RBM25: variants seen among roughly 807,000 people sequenced by gnomAD.
The protein encoded by RBM25 is RNA-binding protein 25.
In RBM25, 19 loss-of-function variants were observed where a neutral mutation model predicts 120.7. That is an observed-to-expected ratio of 0.16 (90% CI 0.11 to 0.23). RBM25 has a LOEUF of 0.23. RBM25 is among the 10% of genes least tolerant of loss of function. The pLI, the probability that RBM25 is intolerant of heterozygous loss-of-function variation, is 1.00. For synonymous variants in RBM25, 390 were observed against 326.7 expected (o/e 1.19, Z -2.09); for missense variants, 605 against 1,041.5 (o/e 0.58, Z 5.77).
At chr14:73,099,281 G>A in intron 7 of RBM25, 99 bp from the exon 8 acceptor site, 2 of 1,050,780 alleles carry the variant, frequency 1.9e-6, no homozygotes, top group Non-Finnish European at 2.8e-6. Context: ...GAAGTGTACT[G>A]TATTGTTCAC....
chr14:73,110,540 T>G (rs148915029), intron 14 of RBM25, among the ~76,000 whole-genome samples: 4 of 152,112 alleles, frequency 2.6e-5, no homozygotes, highest in African/African-American at 9.6e-5. Flanking sequence ...GCGATTCTCC[T>G]GCCTCAGCCT....
chr14:73,121,920 A>G lies in RBM25; in HGVS notation c.*2115A>G, dbSNP rs1424649040. 1.3e-5 allele frequency: 2 copies of G among 151,582 alleles called. No homozygotes were observed. The highest frequency in any genetic ancestry group is 3.0e-5 in the Non-Finnish European group (2 of 67,586). The allele number at this position is 151,582 out of a possible 1,614,324, so 9.4% of individuals were successfully genotyped here. A position where few individuals can be genotyped will look rare whatever the true frequency, so the allele number is the denominator to read the frequency against. ...TATATGAATTTGTGCAAGTTCATAT[A>G]TTAAAGTTTCTGCAGCAGAGTGAAA... On this transcript the variant is annotated 3_prime_UTR_variant, in exon 19 of 19. Coordinates refer to ENST00000261973, the MANE Select transcript of RBM25 (RefSeq NM_021239.3).
chr14:73,115,189 T>TGTGTGTGTG (rs1555347335), intron 18 of RBM25, among the ~76,000 whole-genome samples: 5 of 147,618 alleles, frequency 3.4e-5, no homozygotes, highest in East Asian at 1.9e-4. Flanking sequence ...TGTGTGTGTG[T>TGTGTGTGTG]TTTAAGTCGG....
intron 1 of RBM25, among the ~76,000 whole-genome samples, chr14:73,071,231 ACT>A (rs1895282043): frequency 8.1e-6 from 1 of 123,698 alleles, no homozygotes; most frequent in African/African-American, 3.1e-5. Context: ...ACAGAGTGAG[ACT>A]CTGTCTCAAA....
intron 1 of RBM25, among the ~76,000 whole-genome samples, 194 bp from the exon 2 acceptor site, chr14:73,071,433 T>C (rs1895290197): frequency 6.6e-6 from 1 of 152,134 alleles, no homozygotes; most frequent in African/African-American, 2.4e-5. Context: ...TTCGATCATG[T>C]ACATTTTGGA....
intron 13 of RBM25, among the ~76,000 whole-genome samples, 156 bp downstream of exon 13, chr14:73,108,055 C>T (rs918211636): frequency 1.3e-5 from 2 of 152,230 alleles, no homozygotes; most frequent in Admixed American, 6.6e-5. Context: ...ACACTGTTTT[C>T]GTTGGGAGAA....
intron 6 of RBM25, among the ~76,000 whole-genome samples, chr14:73,094,215 A>G (rs1231213034): frequency 1.3e-5 from 2 of 149,020 alleles, no homozygotes; most frequent in Non-Finnish European, 3.0e-5. Context: ...GGCCTCCCAA[A>G]GTGCTGGGAT....
At chr14:73,106,938 T>TA (rs1368092230) in intron 12 of RBM25, among the ~76,000 whole-genome samples, 1 of 151,580 alleles carries the variant, frequency 6.6e-6, no homozygotes, top group African/African-American at 2.4e-5. Flanking sequence ...GTTCAAGCGA[T>TA]AAGCGATTCT....
At chr14:73,105,043 A>ACACACACACACACACACG (rs1896151680) in intron 10 of RBM25, among the ~76,000 whole-genome samples, 1 of 115,688 alleles carries the variant, frequency 8.6e-6, no homozygotes, top group Non-Finnish European at 1.9e-5. Flanking sequence ...TTAAATACAC[A>ACACACACACACACACACG]CACACACACA....
chr14:73,107,976 C>A, intron 13 of RBM25, 77 bp downstream of exon 13: 1 of 933,298 alleles, frequency 1.1e-6, no homozygotes. Context: ...GTTGATAATG[C>A]ATGTTCACTA....
chr14:73,092,922 C>A (rs573842270), intron 6 of RBM25, among the ~76,000 whole-genome samples: 25 of 152,268 alleles, frequency 1.6e-4, no homozygotes, highest in African/African-American at 6.0e-4. Flanking sequence ...TGTCAAACAA[C>A]TTGACTGAAC....
intron 9 of RBM25, 113 bp from the exon 10 acceptor site, chr14:73,103,079 T>C: frequency 1.3e-6 from 2 of 1,514,660 alleles, no homozygotes; most frequent in East Asian, 2.3e-5. Flanking sequence ...GTATTTAATA[T>C]TAATGTATCA....
rs1804583085 is a variant in RBM25, at chr14:73,122,831, A to T, written c.*3026A>T. ...TTCTGGACAGCTCCCAGCTAATGTC[A>T]TTGCCAACTGATCCAAGACTACATT... On this transcript the variant is annotated 3_prime_UTR_variant, in exon 19 of 19. Coordinates refer to ENST00000261973, the MANE Select transcript of RBM25 (RefSeq NM_021239.3). 6.6e-6 allele frequency: 1 copy of T among 152,306 alleles called. No individual in the cohort carries two copies. The highest frequency in any genetic ancestry group is 6.5e-5 in the Admixed American group (1 of 15,294). 9.4% of individuals were successfully genotyped at this position (152,306 alleles called of 1,614,324 possible). A position where few individuals can be genotyped will look rare whatever the true frequency, so the allele number is the denominator to read the frequency against.
intron 10 of RBM25, among the ~76,000 whole-genome samples, chr14:73,104,725 T>C (rs1190162315): frequency 6.6e-6 from 1 of 152,116 alleles, no homozygotes; most frequent in African/African-American, 2.4e-5. Context: ...ATAGCAAACA[T>C]GAACAAAGGA....
In RBM25 at chr14:73,111,603, T is replaced by C. The variant is rs752104439; in HGVS notation, c.2093T>C (p.Phe698Ser). The C allele has an allele frequency of 1.2e-6, 2 of 1,614,032 alleles. No homozygotes were observed. Among genetic ancestry groups the C allele is most frequent in the Non-Finnish European group, 1.7e-6 (2 of 1,179,990 alleles). ...CCTGTAGATAGTGTCTTTAACAAAT[T>C]TGAGGATGAAGACAGTGATGACGTA... is the stretch of plus-strand genomic sequence containing the variant. ...KLPVDSVFNK[F>S]EDEDSDDVPR... Residue 698 changes from phenylalanine to serine, a missense_variant, in exon 16 of 19, where the codon TTT (phenylalanine) becomes TCT (serine). Physicochemically the swap from Phe to Ser is radical, Grantham distance 155. Around this residue, in one of 4 missense-constraint regions of RBM25, gnomAD observed 465 missense variants for 741.6 expected, o/e 0.63. Transcript: ENST00000261973.
chr14:73,103,924 TCTCTCTCTCTCTCTCTCTCTCTCTCA>T (rs1896109456), intron 10 of RBM25, among the ~76,000 whole-genome samples: 2 of 56,012 alleles, frequency 3.6e-5, no homozygotes, highest in African/African-American at 1.8e-4. Context: ...TCTCTCTCTC[TCTCTCTCTCTCTCTCTCTCTCTCTCA>T]CACACACACA....
At chr14:73,112,798 TTTTTTG>T (rs767103496) in intron 17 of RBM25, among the ~76,000 whole-genome samples, 3 of 151,972 alleles carry the variant, frequency 2.0e-5, no homozygotes, top group South Asian at 4.2e-4. Flanking sequence ...TTGTTTTTTG[TTTTTTG>T]TTTTTGTTTT....
intron 2 of RBM25, 115 bp downstream of exon 2, chr14:73,071,862 G>A (rs1034710454): frequency 1.3e-6 from 1 of 769,980 alleles, no homozygotes; most frequent in South Asian, 1.8e-5. Context: ...TCTCAGCGTT[G>A]TTTGGGAAAT....
Position 73,096,965 on chromosome 14 carries a change from A to C in RBM25, c.594A>C (p.Glu198Asp). 6.2e-7 allele frequency: 1 copy of C among 1,613,750 alleles called. No homozygotes were observed. Reference protein sequence around the residue: ...VTNDDEEALDEETKRRDQMIK... With the variant: ...VTNDDEEALDDETKRRDQMIK... The stretch of plus-strand genomic sequence containing the variant: ...ATGACGATGAAGAAGCCTTGGATGA[A>C]GAAACAAAGAGGAGAGATCAGATGA... The change falls in exon 7 of 19, where the codon GAA (glutamate) becomes GAC (aspartate). Residue 198 changes from glutamate (E) to aspartate (D), a missense_variant. By Grantham distance (45) the Glu-to-Asp change is conservative. Transcript: ENST00000261973.
Sources: gnomAD v4.1 joint callset for allele counts (sites outside exome capture counted in the v4.1 genomes callset) on GRCh38, gnomAD v4.1.1 for gene constraint, gnomAD v4.1.1 regional missense constraint, MANE v1.5 for transcripts, NCBI Gene and HGNC (gene_info 2026-07-23, HGNC 2026-07-21) for gene names.